Variants in FRMD4A observed in about 807,000 individuals in gnomAD.
FRMD4A encodes the protein FERM domain containing 4A.
Under a neutral mutation model 129.1 loss-of-function variants are expected in FRMD4A, and 29 were observed. The ratio of observed to expected loss-of-function variants is 0.22; its 90% CI spans 0.17 to 0.31. The LOEUF is 0.31. Among genes scored for constraint, FRMD4A ranks in the 10% least tolerant of loss-of-function variants. The probability of loss-of-function intolerance (pLI) is 1.00; values close to 1 mark genes in which losing one functional copy is unlikely to be tolerated. For synonymous variants in FRMD4A, 634 were observed against 571.6 expected (o/e 1.11, Z -1.56); for missense variants, 1,272 against 1,375.8 (o/e 0.92, Z 1.19).
In FRMD4A at chr10:13,644,171, A is replaced by G. The variant is rs927234924; in HGVS notation, c.*2867T>C. The stretch of plus-strand genomic sequence containing the variant: ...AAATAAAAAATCAACCTGGCTCACA[A>G]CATAGTCTGATGTATGTGTTTTCAC... On this transcript the variant is annotated 3_prime_UTR_variant, in exon 25 of 25. Coordinates refer to ENST00000357447, the MANE Select transcript of FRMD4A (RefSeq NM_018027.5). 1.3e-5 allele frequency: 2 copies of G among 152,392 alleles called. No individual in the cohort carries two copies. The highest frequency in any genetic ancestry group is 2.9e-5 in the Non-Finnish European group (2 of 68,042). 9.4% of individuals were successfully genotyped at this position (152,392 alleles called of 1,614,324 possible).
intron 2 of FRMD4A, among the ~76,000 whole-genome samples, chr10:13,874,985 G>A (rs1196764932): frequency 2.0e-5 from 3 of 152,096 alleles, no homozygotes; most frequent in South Asian, 4.1e-4. Context: ...GGATGGGGAC[G>A]GGGGGACACC....
In FRMD4A at chr10:13,657,155, C is replaced by T. The variant is rs1414236460; in HGVS notation, c.2434G>A (p.Gly812Ser). ...ACACCGCCCCCCGCGCCCCCCGCGC[C>T]CCCCGCACCCCCGCGCGCCGCCAGG... ...PNLAARGGAG[G>S]AGGAGGGVYL... Residue 812 changes from glycine to serine, a missense_variant, in exon 22 of 25, where the codon GGC becomes AGC. Gly to Ser is a moderately conservative substitution (Grantham distance 56). Around this residue, in one of 2 missense-constraint regions of FRMD4A, gnomAD observed 972 missense variants for 892.3 expected, o/e 1.09. Transcript: ENST00000357447. 6.8e-7 allele frequency: 1 copy of T among 1,478,270 alleles called. No individual in the cohort carries two copies. Among genetic ancestry groups the T allele is most frequent in the South Asian group, 1.3e-5 (1 of 78,756 alleles). 91.6% of individuals were successfully genotyped at this position (1,478,270 alleles called of 1,614,324 possible).
intron 4 of FRMD4A, among the ~76,000 whole-genome samples, chr10:13,799,315 G>A (rs576423649): frequency 6.6e-6 from 1 of 152,260 alleles, no homozygotes; most frequent in East Asian, 1.9e-4. Context: ...AGGCCGCCAT[G>A]CCCAGCTATT....
At chr10:13,919,019 A>G (rs17154184) in intron 2 of FRMD4A, among the ~76,000 whole-genome samples, 13,139 of 152,270 alleles carry the variant, frequency 0.086, 672 homozygotes, top group East Asian at 0.25. Context: ...TAGGAAGCTC[A>G]TCTTAATTTC....
chr10:14,050,065 G>A (rs1372757226), intron 2 of FRMD4A, among the ~76,000 whole-genome samples: 1 of 152,164 alleles, frequency 6.6e-6, no homozygotes, highest in African/African-American at 2.4e-5. Context: ...CATGATGTTA[G>A]GCAGTTTCCT....
intron 2 of FRMD4A, among the ~76,000 whole-genome samples, chr10:13,922,571 T>C (rs2095085467): frequency 6.6e-6 from 1 of 152,238 alleles, no homozygotes; most frequent in Non-Finnish European, 1.5e-5. Flanking sequence ...AAGTGCAGTC[T>C]GCTCTAAAAA....
chr10:13,921,153 G>A (rs2095066271), intron 2 of FRMD4A, among the ~76,000 whole-genome samples: 1 of 152,162 alleles, frequency 6.6e-6, no homozygotes, highest in Non-Finnish European at 1.5e-5. Context: ...TTCTGGCTGT[G>A]TGCTTACATG....
chr10:14,306,925 G>T (rs1256396852), intron 2 of FRMD4A, among the ~76,000 whole-genome samples: 1 of 152,120 alleles, frequency 6.6e-6, no homozygotes, highest in African/African-American at 2.4e-5. Flanking sequence ...CTAAGGACAG[G>T]TACAACATTT....
At chr10:14,165,676 T>A (rs937860571) in intron 2 of FRMD4A, among the ~76,000 whole-genome samples, 4 of 152,226 alleles carry the variant, frequency 2.6e-5, no homozygotes, top group South Asian at 2.1e-4. Flanking sequence ...TACACAGCCA[T>A]AAAAAGAATG....
chr10:13,729,126 T>C (rs1288971091), intron 12 of FRMD4A, among the ~76,000 whole-genome samples: 1 of 19,422 alleles, frequency 5.1e-5, no homozygotes. Context: ...AGGCCTGGTC[T>C]CTAGACGCAT....
intron 2 of FRMD4A, among the ~76,000 whole-genome samples, chr10:14,087,820 G>T (rs957789718): frequency 6.6e-6 from 1 of 152,198 alleles, no homozygotes; most frequent in African/African-American, 2.4e-5. Flanking sequence ...CTTACAATCA[G>T]TAATTAATCT....
intron 2 of FRMD4A, among the ~76,000 whole-genome samples, chr10:14,160,910 G>T (rs979826675): frequency 2.6e-5 from 4 of 152,162 alleles, no homozygotes; most frequent in African/African-American, 9.6e-5. Flanking sequence ...CACACTGTTG[G>T]TAGGAACGTA....
At chr10:13,732,106 G>A (rs1234922098) in intron 12 of FRMD4A, among the ~76,000 whole-genome samples, 1 of 152,086 alleles carries the variant, frequency 6.6e-6, no homozygotes, top group Admixed American at 6.6e-5. Flanking sequence ...GGGTTTAAAT[G>A]TTCTCTGTTC....
At chr10:13,701,786 A>G (rs886118572) in intron 13 of FRMD4A, among the ~76,000 whole-genome samples, 2 of 152,144 alleles carry the variant, frequency 1.3e-5, no homozygotes, top group Non-Finnish European at 2.9e-5. Context: ...TCGATCCTGG[A>G]CTTGGCACTG....
intron 2 of FRMD4A, among the ~76,000 whole-genome samples, chr10:13,934,547 A>C (rs1212997653): frequency 2.6e-5 from 4 of 152,114 alleles, no homozygotes; most frequent in Non-Finnish European, 5.9e-5. Context: ...CAAACTTTGC[A>C]GGGTAATCCC....
intron 2 of FRMD4A, among the ~76,000 whole-genome samples, chr10:13,935,057 C>T (rs2095237340): frequency 1.3e-5 from 2 of 152,058 alleles, no homozygotes; most frequent in African/African-American, 4.8e-5. Flanking sequence ...AGGGCAGAAT[C>T]CCGTTCATGA....
chr10:13,824,203 T>C lies in FRMD4A; in HGVS notation c.112-13295A>G, dbSNP rs1279410438. 2.7e-5 allele frequency among the ~76,000 whole-genome samples: 4 copies of C among 150,770 alleles called. No individual in the cohort carries two copies. The East Asian group carries it at 7.8e-4, about 29-fold the overall frequency. ...TTAAAAACAAAAAAACCAGGCTGGG[T>C]GCGGTGTCTCCCGCCTGTAATCCCA... is the stretch of plus-strand genomic sequence containing the variant. On this transcript the variant is annotated intron_variant, in intron 3 of 24. Transcript: ENST00000357447.
At chr10:13,669,965 C>CT (rs749978171) in intron 17 of FRMD4A, among the ~76,000 whole-genome samples, 132 of 152,254 alleles carry the variant, frequency 8.7e-4, no homozygotes, top group Non-Finnish European at 7.9e-4. Context: ...GGGCGGTGGA[C>CT]CCTACTGGTC....
rs570968915 is a variant in FRMD4A, at chr10:13,680,455, T to C, written c.1118-5411A>G. The stretch of plus-strand genomic sequence containing the variant: ...AAATTAAAAAAAAAAGGGCTGGGTG[T>C]CGTGGCTCATGCCTATAATCCCAGC... On this transcript the variant is annotated intron_variant, in intron 15 of 24. Transcript: ENST00000357447. Among the ~76,000 whole-genome samples the C allele has an allele frequency of 4.6e-5, 7 of 151,012 alleles. No homozygotes were observed. The South Asian group carries it at 1.0e-3, about 23-fold the overall frequency.
Sources: allele counts gnomAD v4.1 joint callset (sites outside exome capture counted in the v4.1 genomes callset), GRCh38; gene constraint gnomAD v4.1.1; regional missense constraint gnomAD v4.1.1; transcripts MANE v1.5; gene names NCBI Gene and HGNC (gene_info 2026-07-23, HGNC 2026-07-21).